Variants in MAT2B observed in about 807,000 individuals in gnomAD.
MAT2B encodes the protein methionine adenosyltransferase 2 subunit beta.
Under a neutral mutation model 36.1 loss-of-function variants are expected in MAT2B, and 16 were observed. The ratio of observed to expected loss-of-function variants is 0.44; its 90% CI spans 0.30 to 0.67. MAT2B has a LOEUF of 0.67. Among genes scored for constraint, MAT2B ranks in the 30% least tolerant of loss-of-function variants. MAT2B has a pLI of 0.09. For missense variants in MAT2B, 332 were observed against 398.2 expected (o/e 0.83, Z 1.42); for synonymous variants, 148 against 136.9 (o/e 1.08, Z -0.57).
rs1051971010 is a variant in MAT2B, at chr5:163,518,696, C to T, written c.*333C>T. On this transcript the variant is annotated 3_prime_UTR_variant, in exon 7 of 7. Coordinates refer to ENST00000321757, the MANE Select transcript of MAT2B (RefSeq NM_013283.5). ...TGAAATTGTTCATTCTCGTAACCTCCATATTTTCAGGATTTTTGAAGCTGT... is the reference window on the plus strand; with the variant it reads ...TGAAATTGTTCATTCTCGTAACCTCTATATTTTCAGGATTTTTGAAGCTGT... 5.9e-6 allele frequency: 1 copy of T among 168,146 alleles called. No homozygotes were observed. Among genetic ancestry groups the T allele is most frequent in the African/African-American group, 2.4e-5 (1 of 42,118 alleles). The allele number at this position is 168,146 out of a possible 1,614,324, so 10.4% of individuals were successfully genotyped here. A position where few individuals can be genotyped will look rare whatever the true frequency, so the allele number is the denominator to read the frequency against.
chr5:163,508,004 A>G (rs1759972860), intron 1 of MAT2B, among the ~76,000 whole-genome samples: 1 of 152,238 alleles, frequency 6.6e-6, no homozygotes, highest in African/African-American at 2.4e-5. Context: ...TTAGATCAAT[A>G]GAGATAGAAT....
In MAT2B at chr5:163,511,267, TAAA is replaced by T. The variant is rs11394898; in HGVS notation, c.64-730_64-728del. ...GTAAGATTATTATAACTTTTTTAAT[TAAA>T]AAAATTTTTTTTTTGAAACAGGGTC... On this transcript the variant is annotated intron_variant, in intron 1 of 6. Coordinates refer to ENST00000321757, the MANE Select transcript of MAT2B (RefSeq NM_013283.5). Among the ~76,000 whole-genome samples, 3 of 80,868 alleles carry T rather than the reference TAAA, an allele frequency of 3.7e-5. No homozygotes were observed. The South Asian group carries it at 1.9e-3, about 51-fold the overall frequency. The allele number at this position is 80,868 out of a possible 152,430, so 53.1% of individuals were successfully genotyped here.
intron 4 of MAT2B, 65 bp downstream of exon 4, chr5:163,514,059 CAT>C (rs1477712249): frequency 3.5e-5 from 43 of 1,245,064 alleles, no homozygotes; most frequent in Non-Finnish European, 4.1e-5. Context: ...TATACATACA[CAT>C]ATATATGTTT....
At position 163,512,207 on chromosome 5, in the gene MAT2B, G is replaced by T; in HGVS notation, c.258+11G>T. On this transcript the variant is annotated intron_variant, in intron 2 of 6. Transcript: ENST00000321757. ...ATTCATGATTTTCAGGTATGATTTA[G>T]GTTATTTTAAGATATACATGAACAA... The T allele has an allele frequency of 6.2e-7, 1 of 1,605,006 alleles. No individual in the cohort carries two copies. Among genetic ancestry groups the T allele is most frequent in the Non-Finnish European group, 8.5e-7 (1 of 1,171,870 alleles).
intron 1 of MAT2B, among the ~76,000 whole-genome samples, chr5:163,508,164 T>C (rs1388145937): frequency 1.3e-5 from 2 of 152,220 alleles, no homozygotes; most frequent in Non-Finnish European, 2.9e-5. Context: ...TTTTCTCTTT[T>C]ACTATAGACA....
At chr5:163,510,417 T>G (rs373170903) in intron 1 of MAT2B, among the ~76,000 whole-genome samples, 12 of 139,690 alleles carry the variant, frequency 8.6e-5, no homozygotes, top group African/African-American at 2.9e-4. Flanking sequence ...TTTTTTGAGA[T>G]GTAGTCTTGC....
intron 6 of MAT2B, chr5:163,517,973 C>T: frequency 2.0e-6 from 1 of 507,564 alleles, no homozygotes. Flanking sequence ...CTCAAAATGG[C>T]CAGGCACAAT....
chr5:163,509,108 T>A (rs1306942949), intron 1 of MAT2B, among the ~76,000 whole-genome samples: 1 of 152,188 alleles, frequency 6.6e-6, no homozygotes, highest in East Asian at 1.9e-4. Context: ...TCTGGGCTCT[T>A]AAGTTGCATT....
chr5:163,516,843 C>T, intron 5 of MAT2B, 132 bp downstream of exon 5: 1 of 785,810 alleles, frequency 1.3e-6, no homozygotes, highest in South Asian at 1.5e-5. Flanking sequence ...GGAGACCAAA[C>T]AAAAGTAGTT....
chr5:163,513,768 GA>G lies in MAT2B; in HGVS notation c.374-69del. On this transcript the variant is annotated intron_variant, in intron 3 of 6. Coordinates refer to ENST00000321757, the MANE Select transcript of MAT2B (RefSeq NM_013283.5). ...ATGGTTATTTGTTTTTATATATCAT[GA>G]AAAACCATTCTAAATTCCATGAAAG... 5.9e-6 allele frequency: 9 copies of G among 1,523,988 alleles called. No homozygotes were observed. In the South Asian group the frequency reaches 9.4e-5, roughly 16 times the overall value. 94.4% of individuals were successfully genotyped at this position (1,523,988 alleles called of 1,614,324 possible). A position where few individuals can be genotyped will look rare whatever the true frequency, so the allele number is the denominator to read the frequency against.
intron 1 of MAT2B, among the ~76,000 whole-genome samples, chr5:163,509,656 T>C (rs1481946170): frequency 6.6e-6 from 1 of 152,232 alleles, no homozygotes; most frequent in Non-Finnish European, 1.5e-5. Flanking sequence ...ATCTCTCTTT[T>C]AGAGTATTTT....
Position 163,518,852 on chromosome 5 carries a change from A to G in MAT2B, c.*489A>G, listed in dbSNP as rs1760175909. ...AACTTTATTTTTGCAAGTTACGTAC[A>G]GTTTTTATGCTTGAGATATTTCAAC... On this transcript the variant is annotated 3_prime_UTR_variant, in exon 7 of 7. Coordinates refer to ENST00000321757, the MANE Select transcript of MAT2B (RefSeq NM_013283.5). 6.5e-6 allele frequency: 1 copy of G among 152,678 alleles called. No homozygotes were observed. Among genetic ancestry groups the G allele is most frequent in the African/African-American group, 2.4e-5 (1 of 41,446 alleles). The allele number at this position is 152,678 out of a possible 1,614,324, so 9.5% of individuals were successfully genotyped here.
At chr5:163,511,938 C>G in intron 1 of MAT2B, 64 bp from the exon 2 acceptor site, 3 of 1,222,834 alleles carry the variant, frequency 2.5e-6, no homozygotes, top group Non-Finnish European at 3.5e-6. Flanking sequence ...ACGATGGTGC[C>G]TAATATATTT....
At position 163,505,680 on chromosome 5, in the gene MAT2B, G is replaced by A. The variant is rs1398951977; in HGVS notation, c.-7G>A. 3 of 1,282,408 alleles carry A rather than the reference G, an allele frequency of 2.3e-6. No homozygotes were observed. The highest frequency in any genetic ancestry group is 2.0e-6 in the Non-Finnish European group (2 of 1,007,262). The allele number at this position is 1,282,408 out of a possible 1,614,324, so 79.4% of individuals were successfully genotyped here. A position where few individuals can be genotyped will look rare whatever the true frequency, so the allele number is the denominator to read the frequency against. On this transcript the variant is annotated 5_prime_UTR_variant, in exon 1 of 7. Transcript: ENST00000321757. ...GCCGCTGAGGCTGCGGCGTGAAGAC[G>A]GCGGGCATGGTGGGGCGGGAGAAAG...
chr5:163,504,720 G>C (rs1323296065), upstream of MAT2B, among the ~76,000 whole-genome samples: 1 of 152,128 alleles, frequency 6.6e-6, no homozygotes, highest in African/African-American at 2.4e-5. Flanking sequence ...GATTTTTTGC[G>C]GTTTTTAACT....
At chr5:163,516,347 G>T (rs1318538067) in intron 4 of MAT2B, among the ~76,000 whole-genome samples, 171 bp from the exon 5 acceptor site, 2 of 152,132 alleles carry the variant, frequency 1.3e-5, no homozygotes, top group Non-Finnish European at 2.9e-5. Flanking sequence ...ACTGTGCCTG[G>T]CCTTGAATAT....
At chr5:163,505,519 A>G (rs1759912919), upstream of MAT2B, 12 of 1,239,992 alleles carry the variant, frequency 9.7e-6, no homozygotes, top group African/African-American at 1.6e-5. Context: ...GCGTCGGCGG[A>G]GCGTGGCCAA....
chr5:163,514,440 A>G (rs1440656766), intron 4 of MAT2B, among the ~76,000 whole-genome samples: 2 of 152,218 alleles, frequency 1.3e-5, no homozygotes, highest in South Asian at 2.1e-4. Context: ...GAGTTTGTGT[A>G]TAACACACAT....
chr5:163,514,448 C>G (rs1329998384), intron 4 of MAT2B, among the ~76,000 whole-genome samples: 4 of 152,168 alleles, frequency 2.6e-5, no homozygotes, highest in Non-Finnish European at 5.9e-5. Flanking sequence ...GTATAACACA[C>G]ATCTCCATAT....
Sources: gnomAD v4.1 joint callset for allele counts (sites outside exome capture counted in the v4.1 genomes callset) on GRCh38, gnomAD v4.1.1 for gene constraint, MANE v1.5 for transcripts, NCBI Gene and HGNC (gene_info 2026-07-23, HGNC 2026-07-21) for gene names.